The following ZNRF3 variants were observed in gnomAD, a reference collection of about 807,000 sequenced individuals.
ZNRF3 encodes E3 ubiquitin-protein ligase ZNRF3.
ZNRF3 carries 23 observed loss-of-function variants against 72.5 expected under a neutral mutation model. The ratio of observed to expected loss-of-function variants is 0.32; its 90% confidence interval spans 0.23 to 0.45. The LOEUF is 0.45. Among genes scored for constraint, ZNRF3 ranks in the 20% least tolerant of loss-of-function variants. The pLI is 1.00. For synonymous variants in ZNRF3, 610 were observed against 545.3 expected (o/e 1.12, Z -1.65); for missense variants, 1,169 against 1,272.1 (o/e 0.92, Z 1.23).
At chr22:29,011,071 C>T (rs2036339237) in intron 2 of ZNRF3, among the ~76,000 whole-genome samples, 1 of 152,172 alleles carries the variant, frequency 6.6e-6, no homozygotes, top group South Asian at 2.1e-4. Context: ...TTTAATTCAT[C>T]TTCATCTACC....
At chr22:29,034,999 CTTTTTTT>C (rs10607848) in intron 2 of ZNRF3, among the ~76,000 whole-genome samples, 1 of 131,224 alleles carries the variant, frequency 7.6e-6, no homozygotes, top group Non-Finnish European at 1.6e-5. Flanking sequence ...TTTGTTAGAC[CTTTTTTT>C]TTTTTTTTTT....
chr22:28,912,060 C>G (rs2034328344), intron 1 of ZNRF3, among the ~76,000 whole-genome samples: 1 of 152,134 alleles, frequency 6.6e-6, no homozygotes, highest in Non-Finnish European at 1.5e-5. Flanking sequence ...AATTCCTAGC[C>G]CTCTTCAAAG....
At chr22:28,896,282 G>C (rs1468407244) in intron 1 of ZNRF3, among the ~76,000 whole-genome samples, 2 of 152,114 alleles carry the variant, frequency 1.3e-5, no homozygotes, top group Non-Finnish European at 2.9e-5. Flanking sequence ...CTACAGGCGT[G>C]TGCCACCACG....
At chr22:28,972,047 C>T (rs1398222602) in intron 1 of ZNRF3, among the ~76,000 whole-genome samples, 1 of 152,088 alleles carries the variant, frequency 6.6e-6, no homozygotes, top group African/African-American at 2.4e-5. Context: ...GATAGTCTTG[C>T]CTCACTATAT....
chr22:28,919,499 A>G (rs2034470886), intron 1 of ZNRF3, among the ~76,000 whole-genome samples: 1 of 151,776 alleles, frequency 6.6e-6, no homozygotes. Flanking sequence ...CTACTGATGC[A>G]GGTATGGAAA....
At chr22:29,020,757 T>TG (rs2036519232) in intron 2 of ZNRF3, among the ~76,000 whole-genome samples, 1 of 117,314 alleles carries the variant, frequency 8.5e-6, no homozygotes, top group African/African-American at 3.7e-5. Context: ...GAGAGGGGCT[T>TG]TGTTTTTGTG....
intron 2 of ZNRF3, among the ~76,000 whole-genome samples, chr22:29,015,418 C>T (rs1025953688): frequency 1.3e-5 from 2 of 152,076 alleles, no homozygotes; most frequent in South Asian, 4.1e-4. Flanking sequence ...GCCTATAATC[C>T]CAACACTTTG....
chr22:28,977,523 C>G (rs893708147), intron 1 of ZNRF3, among the ~76,000 whole-genome samples: 1 of 152,200 alleles, frequency 6.6e-6, no homozygotes, highest in Admixed American at 6.5e-5. Flanking sequence ...AGCCACCACA[C>G]CTTTTAAGAA....
intron 2 of ZNRF3, among the ~76,000 whole-genome samples, chr22:29,035,732 C>A (rs77143126): frequency 6.6e-6 from 1 of 152,098 alleles, no homozygotes; most frequent in Non-Finnish European, 1.5e-5. Context: ...CACGCTGCCA[C>A]GCCCAGCTAA....
At chr22:28,969,913 T>C (rs2035539573) in intron 1 of ZNRF3, among the ~76,000 whole-genome samples, 1 of 152,092 alleles carries the variant, frequency 6.6e-6, no homozygotes. Flanking sequence ...GAATAGGTTT[T>C]GTAGGTAAAG....
chr22:28,967,927 A>C (rs2035502723), intron 1 of ZNRF3, among the ~76,000 whole-genome samples: 1 of 145,396 alleles, frequency 6.9e-6, no homozygotes, highest in Admixed American at 6.9e-5. Context: ...CCGTGTCTCA[A>C]AAAAAAAAAA....
chr22:28,969,135 G>C (rs1432326595), intron 1 of ZNRF3, among the ~76,000 whole-genome samples: 1 of 152,166 alleles, frequency 6.6e-6, no homozygotes, highest in Non-Finnish European at 1.5e-5. Context: ...GGGCAGCCTA[G>C]CCCAAACTTT....
chr22:28,938,748 G>A (rs2034887153), intron 1 of ZNRF3, among the ~76,000 whole-genome samples: 1 of 152,024 alleles, frequency 6.6e-6, no homozygotes, highest in African/African-American at 2.4e-5. Context: ...GCTGAGGGGA[G>A]ATGTATATAT....
At chr22:28,983,067 T>C (rs1189004042) in intron 1 of ZNRF3, among the ~76,000 whole-genome samples, 1 of 152,122 alleles carries the variant, frequency 6.6e-6, no homozygotes, top group Non-Finnish European at 1.5e-5. Context: ...AGTGGCTTCT[T>C]TACCCTCCAC....
intron 1 of ZNRF3, among the ~76,000 whole-genome samples, chr22:28,932,992 C>T (rs2034736841): frequency 6.6e-6 from 1 of 152,212 alleles, no homozygotes; most frequent in African/African-American, 2.4e-5. Flanking sequence ...TATATGGAAA[C>T]AAAGATTGCC....
In ZNRF3 at chr22:29,050,184, G is replaced by C; in HGVS notation, c.2003G>C (p.Ser668Thr). ...VSTCSLEMNY[S>T]SNSSLEHRGP... ...ACCTGCAGCCTGGAGATGAACTACA[G>C]CAGCAACTCCTCCCTGGAGCACAGG... The change falls in exon 8 of 9, where the codon AGC becomes ACC. Residue 668 changes from serine (S) to threonine (T), a missense_variant. Coordinates refer to ENST00000544604, the MANE Select transcript of ZNRF3 (RefSeq NM_001206998.2). 1 of 1,601,914 alleles carries C rather than the reference G, an allele frequency of 6.2e-7. No homozygotes were observed. The highest frequency in any genetic ancestry group is 8.5e-7 in the Non-Finnish European group (1 of 1,179,842).
chr22:29,056,028 A>G lies in ZNRF3; in HGVS notation c.*2406A>G, dbSNP rs1457277060. 3.3e-5 allele frequency: 5 copies of G among 152,022 alleles called. No individual in the cohort carries two copies. The highest frequency in any genetic ancestry group is 2.1e-4 in the South Asian group (1 of 4,822). The allele number at this position is 152,022 out of a possible 1,614,324, so 9.4% of individuals were successfully genotyped here. On this transcript the variant is annotated 3_prime_UTR_variant, in exon 9 of 9. Coordinates refer to ENST00000544604, the MANE Select transcript of ZNRF3 (RefSeq NM_001206998.2). ...TAGCTGCAGATGGCGAAAGAAACCC[A>G]TTTAATTTTTGTAGCTTACAGGTGG...
At chr22:28,907,146 C>A (rs1291295260) in intron 1 of ZNRF3, among the ~76,000 whole-genome samples, 2 of 147,910 alleles carry the variant, frequency 1.4e-5, no homozygotes, top group Non-Finnish European at 3.0e-5. Context: ...CCACGCCCGT[C>A]CAGTTTTTTT....
At chr22:29,041,773 T>G (rs950663327) in intron 2 of ZNRF3, among the ~76,000 whole-genome samples, 3 of 152,088 alleles carry the variant, frequency 2.0e-5, no homozygotes, top group African/African-American at 7.2e-5. Flanking sequence ...ACCGACAGTG[T>G]CTCCAGAGGT....
Sources: allele counts gnomAD v4.1 joint callset (sites outside exome capture counted in the v4.1 genomes callset), GRCh38; gene constraint gnomAD v4.1.1; transcripts MANE v1.5; gene names NCBI Gene and HGNC (gene_info 2026-07-23, HGNC 2026-07-21).